Variants in PTCH1 observed in about 807,000 individuals in gnomAD.
The protein encoded by PTCH1 is protein patched homolog 1.
PTCH1 carries 14 observed loss-of-function variants against 144.6 expected under a neutral mutation model. The observed-to-expected ratio is 0.10, with a 90% CI of 0.06 to 0.15. PTCH1 has a LOEUF of 0.15. Among genes scored for constraint, PTCH1 ranks in the 10% least tolerant of loss-of-function variants. The pLI is 1.00. For synonymous variants in PTCH1, 833 were observed against 793.6 expected (o/e 1.05, Z -0.83); for missense variants, 1,623 against 1,948.3 (o/e 0.83, Z 3.14).
At chr9:95,494,033 C>A (rs1048895341) in intron 2 of PTCH1, among the ~76,000 whole-genome samples, 1 of 152,224 alleles carries the variant, frequency 6.6e-6, no homozygotes, top group African/African-American at 2.4e-5. Context: ...AGAGGTCAAC[C>A]ACCAAAGCAT....
In PTCH1 at chr9:95,447,411, G is replaced by A. The variant is rs2227968; in HGVS notation, c.3845C>T (p.Pro1282Leu). ...PESRHHPPSNPRQQPHLDSGS... is the reference protein window; with the variant it reads ...PESRHHPPSNLRQQPHLDSGS... ...TGAGTCCAGGTGGGGCTGCTGTCTC[G>A]GGTTCGAGGGTGGGTGATGCCTGGA... Residue 1282 changes from proline to leucine, a missense_variant, in exon 23 of 24, where the codon CCG (proline) becomes CTG (leucine). Physicochemically the swap from Pro to Leu is moderately conservative, Grantham distance 98. Transcript: ENST00000331920. 1.7e-3 allele frequency: 2,651 copies of A among 1,605,002 alleles called. 51 individuals are homozygous for A. In the African/African-American group the frequency reaches 0.03, roughly 18 times the overall value.
chr9:95,496,271 A>G (rs1237906543), intron 2 of PTCH1, among the ~76,000 whole-genome samples: 2 of 152,200 alleles, frequency 1.3e-5, no homozygotes, highest in Non-Finnish European at 2.9e-5. Flanking sequence ...GCGCCTCCCA[A>G]TGCAGCTTAC....
At chr9:95,488,585 T>C (rs1345293161) in intron 2 of PTCH1, among the ~76,000 whole-genome samples, 1 of 140,332 alleles carries the variant, frequency 7.1e-6, no homozygotes, top group Admixed American at 7.6e-5. Flanking sequence ...AGCTGTAACA[T>C]GATTCATTCA....
At chr9:95,503,032 C>G (rs1020283707) in intron 2 of PTCH1, among the ~76,000 whole-genome samples, 3 of 152,248 alleles carry the variant, frequency 2.0e-5, no homozygotes, top group Non-Finnish European at 4.4e-5. Flanking sequence ...TTCTTCCAAA[C>G]TATCCCTCAG....
chr9:95,453,439 T>C (rs1838646787), intron 20 of PTCH1, 39 bp downstream of exon 20: 1 of 1,612,896 alleles, frequency 6.2e-7, no homozygotes. Context: ...CCAATCACAA[T>C]GATTTCTAAA....
At chr9:95,493,760 T>C (rs1329096634) in intron 2 of PTCH1, among the ~76,000 whole-genome samples, 1 of 151,986 alleles carries the variant, frequency 6.6e-6, no homozygotes, top group Non-Finnish European at 1.5e-5. Context: ...CGGGTGTAAC[T>C]GCAAAATTAT....
chr9:95,461,128 G>A (rs970243057), intron 16 of PTCH1, among the ~76,000 whole-genome samples: 19 of 152,108 alleles, frequency 1.2e-4, no homozygotes, highest in African/African-American at 4.3e-4. Flanking sequence ...CCGTGCAATT[G>A]GAGGAGTCCA....
chr9:95,470,382 A>G (rs1322329146), intron 12 of PTCH1, among the ~76,000 whole-genome samples: 2 of 152,212 alleles, frequency 1.3e-5, no homozygotes, highest in African/African-American at 4.8e-5. Context: ...CCCCCTTTAA[A>G]ACGTGAAATA....
At chr9:95,481,756 G>GT in intron 5 of PTCH1, 193 bp downstream of exon 5, 1 of 623,288 alleles carries the variant, frequency 1.6e-6, no homozygotes, top group East Asian at 2.8e-5. Flanking sequence ...CTACAGAATT[G>GT]TTTTTTGAAA....
chr9:95,489,876 C>G (rs1842247281), intron 2 of PTCH1, among the ~76,000 whole-genome samples: 1 of 151,112 alleles, frequency 6.6e-6, no homozygotes, highest in African/African-American at 2.4e-5. Context: ...TCTCAGCTCA[C>G]TGCAAGCTCT....
intron 22 of PTCH1, among the ~76,000 whole-genome samples, chr9:95,448,649 G>A (rs954653035): frequency 6.6e-6 from 1 of 150,830 alleles, no homozygotes; most frequent in African/African-American, 2.4e-5. Flanking sequence ...ATGAGAGAAG[G>A]AAAAAACCTG....
chr9:95,507,962 C>G (rs773374381), intron 1 of PTCH1, 199 bp downstream of exon 1: 14 of 1,476,304 alleles, frequency 9.5e-6, no homozygotes, highest in Non-Finnish European at 1.3e-5. Flanking sequence ...TCAGACAGCC[C>G]TTTCCTCCCA....
chr9:95,453,254 C>T (rs1838628687), intron 20 of PTCH1: 1 of 551,180 alleles, frequency 1.8e-6, no homozygotes, highest in South Asian at 1.9e-5. Context: ...GCCTCAGCCT[C>T]CCAAGTAGCT....
intron 1 of PTCH1, 23 bp from the exon 2 acceptor site, chr9:95,506,622 G>C (rs780346961): frequency 6.3e-7 from 1 of 1,578,650 alleles, no homozygotes; most frequent in African/African-American, 1.4e-5. Flanking sequence ...CAGAAGGGAG[G>C]AGTGAGCGCC....
intron 22 of PTCH1, among the ~76,000 whole-genome samples, chr9:95,448,801 G>A (rs676353): frequency 6.6e-6 from 1 of 151,340 alleles, no homozygotes; most frequent in Non-Finnish European, 1.5e-5. Context: ...CCCTGAACAA[G>A]ATAGATGCTA....
At chr9:95,472,205 C>T (rs887027177) in intron 12 of PTCH1, among the ~76,000 whole-genome samples, 5 of 152,156 alleles carry the variant, frequency 3.3e-5, no homozygotes, top group African/African-American at 1.2e-4. Flanking sequence ...AAGATCAGAT[C>T]GTTCATACCT....
Position 95,444,574 on chromosome 9 carries a change from GGT to G in PTCH1, c.*1817_*1818del, listed in dbSNP as rs1319941499. The G allele has an allele frequency of 1.3e-5, 2 of 152,728 alleles. No individual in the cohort carries two copies. The highest frequency in any genetic ancestry group is 4.8e-5 in the African/African-American group (2 of 41,392). 9.5% of individuals were successfully genotyped at this position (152,728 alleles called of 1,614,324 possible). ...CCAATCAGCATCTTAAAAGTTTTGTGGTGAGTATCAGGGTCTGAGGTCACTAT... is the reference window on the plus strand; with the variant it reads ...CCAATCAGCATCTTAAAAGTTTTGTGGAGTATCAGGGTCTGAGGTCACTAT... On this transcript the variant is annotated 3_prime_UTR_variant, in exon 24 of 24. Coordinates refer to ENST00000331920, the MANE Select transcript of PTCH1 (RefSeq NM_000264.5).
At chr9:95,450,267 A>G in intron 20 of PTCH1, 1 of 376,920 alleles carries the variant, frequency 2.7e-6, no homozygotes, top group South Asian at 2.3e-5. Flanking sequence ...AAAATATGGA[A>G]TGCGACCTGA....
Position 95,456,270 on chromosome 9 carries a change from C to T in PTCH1, c.3306+6G>A, listed in dbSNP as rs777678813. The T allele has an allele frequency of 1.9e-5, 31 of 1,613,542 alleles. No individual in the cohort carries two copies. In the South Asian group the frequency reaches 3.4e-4, roughly 18 times the overall value. ...ACAAAGTTTTTGCTTCAAATGTCTC[C>T]CATACCAAAGCAACGTGAACGGTGA... On this transcript the variant is annotated splice_donor_region_variant and intron_variant, in intron 19 of 23. Coordinates refer to ENST00000331920, the MANE Select transcript of PTCH1 (RefSeq NM_000264.5).
Sources: gnomAD v4.1 joint callset for allele counts (sites outside exome capture counted in the v4.1 genomes callset) on GRCh38, gnomAD v4.1.1 for gene constraint, MANE v1.5 for transcripts, NCBI Gene and HGNC (gene_info 2026-07-23, HGNC 2026-07-21) for gene names.